The following IMMP2L variants were observed in gnomAD, a reference collection of about 807,000 sequenced individuals.
IMMP2L encodes the protein inner mitochondrial membrane peptidase subunit 2.
IMMP2L carries 18 observed loss-of-function variants against 19.3 expected under a neutral mutation model. That is an observed-to-expected ratio of 0.93 (90% CI 0.64 to 1.38). IMMP2L has a LOEUF of 1.38. Ranked by LOEUF, IMMP2L falls within the 40% of genes most tolerant of loss-of-function variation. The pLI, the probability that IMMP2L is intolerant of heterozygous loss-of-function variation, is 0.00. For synonymous variants in IMMP2L, 76 were observed against 73.0 expected, an observed-to-expected ratio of 1.04 and a Z score of -0.21; for missense variants, 233 against 218.2, an observed-to-expected ratio of 1.07 and a Z score of -0.43.
intron 3 of IMMP2L, among the ~76,000 whole-genome samples, chr7:111,369,394 T>C (rs1830071188): frequency 6.6e-6 from 1 of 151,906 alleles, no homozygotes; most frequent in Non-Finnish European, 1.5e-5. Flanking sequence ...AATTCATTGG[T>C]ATAATTACTA....
chr7:110,731,771 T>G (rs1406842122), intron 5 of IMMP2L, among the ~76,000 whole-genome samples: 1 of 152,228 alleles, frequency 6.6e-6, no homozygotes, highest in Non-Finnish European at 1.5e-5. Flanking sequence ...TTATAAAGCC[T>G]GTTTTCTCCG....
At chr7:111,102,827 A>T (rs902344192) in intron 3 of IMMP2L, among the ~76,000 whole-genome samples, 1 of 151,554 alleles carries the variant, frequency 6.6e-6, no homozygotes, top group African/African-American at 2.4e-5. Flanking sequence ...GTCATAAAAG[A>T]CTTCATAATA....
intron 5 of IMMP2L, among the ~76,000 whole-genome samples, chr7:110,683,008 T>A (rs1034572330): frequency 8.5e-5 from 13 of 152,054 alleles, no homozygotes; most frequent in African/African-American, 2.4e-4. Flanking sequence ...TTGCTCTGCT[T>A]ATAAAAAGGG....
chr7:111,296,999 G>A (rs1270038324), intron 3 of IMMP2L, among the ~76,000 whole-genome samples: 7 of 151,978 alleles, frequency 4.6e-5, no homozygotes. Flanking sequence ...TTATGGAGAT[G>A]AAGAACAGAT....
intron 3 of IMMP2L, among the ~76,000 whole-genome samples, chr7:111,008,003 A>T (rs1488481792): frequency 1.3e-5 from 2 of 152,062 alleles, no homozygotes; most frequent in African/African-American, 4.8e-5. Flanking sequence ...AAGTCTTGTT[A>T]GTTCTTCCTT....
At chr7:111,388,892 C>G (rs1212972706) in intron 3 of IMMP2L, among the ~76,000 whole-genome samples, 1 of 151,988 alleles carries the variant, frequency 6.6e-6, no homozygotes, top group African/African-American at 2.4e-5. Flanking sequence ...TATGTATGTA[C>G]ATGCATATAT....
chr7:110,833,571 T>C (rs903245744), intron 5 of IMMP2L, among the ~76,000 whole-genome samples: 4 of 152,112 alleles, frequency 2.6e-5, no homozygotes, highest in African/African-American at 4.8e-5. Flanking sequence ...CATAGTACAT[T>C]CACTGAGGCA....
chr7:111,102,699 T>C (rs1231891445), intron 3 of IMMP2L, among the ~76,000 whole-genome samples: 1 of 151,516 alleles, frequency 6.6e-6, no homozygotes, highest in Non-Finnish European at 1.5e-5. Flanking sequence ...ATCTAAAAAA[T>C]AAATAGAATA....
intron 5 of IMMP2L, among the ~76,000 whole-genome samples, chr7:110,694,802 T>C (rs1793757953): frequency 6.6e-6 from 1 of 152,206 alleles, no homozygotes; most frequent in Non-Finnish European, 1.5e-5. Context: ...CTGTTTACAA[T>C]AGTTAAAAGT....
intron 5 of IMMP2L, among the ~76,000 whole-genome samples, chr7:110,847,737 C>A (rs1249865182): frequency 6.6e-6 from 1 of 151,948 alleles, no homozygotes; most frequent in African/African-American, 2.4e-5. Flanking sequence ...ACTAGTGAGC[C>A]CAGAAACAGG....
chr7:111,014,076 C>A (rs1428655005), intron 3 of IMMP2L, among the ~76,000 whole-genome samples: 1 of 152,046 alleles, frequency 6.6e-6, no homozygotes, highest in Non-Finnish European at 1.5e-5. Context: ...AATATAAGTA[C>A]AAACAGGCCA....
At chr7:111,329,384 A>G (rs986060712) in intron 3 of IMMP2L, among the ~76,000 whole-genome samples, 2 of 151,852 alleles carry the variant, frequency 1.3e-5, no homozygotes, top group African/African-American at 4.8e-5. Flanking sequence ...AAACATCAAG[A>G]CCTACCTACC....
chr7:111,034,430 G>A (rs938252921), intron 3 of IMMP2L, among the ~76,000 whole-genome samples: 13 of 152,182 alleles, frequency 8.5e-5, no homozygotes, highest in East Asian at 1.9e-4. Flanking sequence ...AAAGAATTAC[G>A]AATGAGTTGC....
chr7:110,698,522 T>C (rs765274746), intron 5 of IMMP2L, among the ~76,000 whole-genome samples: 39 of 152,202 alleles, frequency 2.6e-4, no homozygotes, highest in Non-Finnish European at 5.1e-4. Context: ...CCCCTCTACC[T>C]ACCACTGCCT....
rs371254457 is a variant in IMMP2L, at chr7:111,351,192, T to C, written c.239+136046A>G. Among the ~76,000 whole-genome samples, 7 of 152,206 alleles carry C rather than the reference T, an allele frequency of 4.6e-5. 1 individual carries two copies. The highest frequency in any genetic ancestry group is 3.4e-3 in the Middle Eastern group (1 of 294). The stretch of plus-strand genomic sequence containing the variant: ...GAGGGGAGCATTTTTATTTTATTTA[T>C]TTATTTATTTATTTTTGAGACGGAG... On this transcript the variant is annotated intron_variant, in intron 3 of 5. Transcript: ENST00000405709.
intron 5 of IMMP2L, among the ~76,000 whole-genome samples, chr7:110,750,754 A>T (rs1252174060): frequency 6.6e-6 from 1 of 152,044 alleles, no homozygotes; most frequent in African/African-American, 2.4e-5. Flanking sequence ...CACAGGCCAC[A>T]TTAATGATAG....
chr7:110,914,646 T>C (rs1030984746), intron 4 of IMMP2L, among the ~76,000 whole-genome samples: 1 of 152,352 alleles, frequency 6.6e-6, no homozygotes, highest in Admixed American at 6.5e-5. Context: ...TGTTTGTTCC[T>C]GCTTCAATTT....
At chr7:111,400,397 C>T (rs1356392230) in intron 3 of IMMP2L, among the ~76,000 whole-genome samples, 1 of 152,096 alleles carries the variant, frequency 6.6e-6, no homozygotes, top group East Asian at 1.9e-4. Flanking sequence ...ATTTTTCAAT[C>T]TCAAAATTCT....
intron 5 of IMMP2L, 121 bp from the exon 6 acceptor site, chr7:110,663,842 A>T: frequency 8.6e-6 from 5 of 584,540 alleles, no homozygotes; most frequent in Non-Finnish European, 1.4e-5. Context: ...GATGATGAAT[A>T]AAAAAAATAG....
Sources: gnomAD v4.1 joint callset for allele counts (sites outside exome capture counted in the v4.1 genomes callset) on GRCh38, gnomAD v4.1.1 for gene constraint, MANE v1.5 for transcripts, NCBI Gene and HGNC (gene_info 2026-07-23, HGNC 2026-07-21) for gene names.